MGAT4C: variants seen among roughly 807,000 people sequenced by gnomAD.
The protein encoded by MGAT4C is alpha-1,3-mannosyl-glycoprotein 4-beta-N-acetylglucosaminyltransferase C.
Under a neutral mutation model 40.1 loss-of-function variants are expected in MGAT4C, and 19 were observed. That is an observed-to-expected ratio of 0.47 (90% confidence interval 0.33 to 0.70). The LOEUF (loss-of-function observed/expected upper bound fraction) is 0.70, where lower values mean the gene tolerates loss of function less well. MGAT4C is among the 30% of genes least tolerant of loss of function. The pLI is 0.02. For synonymous variants in MGAT4C, 181 were observed against 187.1 expected (o/e 0.97, Z 0.27); for missense variants, 491 against 563.2 (o/e 0.87, Z 1.30).
chr12:86,462,028 A>G (rs754184421), intron 2 of MGAT4C, among the ~76,000 whole-genome samples: 1 of 152,214 alleles, frequency 6.6e-6, no homozygotes, highest in Non-Finnish European at 1.5e-5. Flanking sequence ...TTACAAATGT[A>G]ATAGGGAAAT....
At chr12:86,784,488 G>A (rs1270436666) in intron 1 of MGAT4C, among the ~76,000 whole-genome samples, 1 of 151,954 alleles carries the variant, frequency 6.6e-6, no homozygotes, top group Admixed American at 6.6e-5. Flanking sequence ...AACAAAAACT[G>A]ATCACATATG....
intron 4 of MGAT4C, among the ~76,000 whole-genome samples, chr12:86,275,528 G>T (rs983761915): frequency 6.6e-6 from 1 of 152,118 alleles, no homozygotes; most frequent in Non-Finnish European, 1.5e-5. Flanking sequence ...CTTGGCAAAA[G>T]GAAAGTTGCA....
intron 3 of MGAT4C, among the ~76,000 whole-genome samples, chr12:86,353,165 C>A (rs1202594671): frequency 1.3e-5 from 2 of 151,876 alleles, no homozygotes; most frequent in African/African-American, 4.8e-5. Flanking sequence ...CTTAAATGGT[C>A]CTCCACTTTT....
At chr12:86,150,849 A>G (rs1884179498) in intron 1 of MGAT4C, among the ~76,000 whole-genome samples, 1 of 152,206 alleles carries the variant, frequency 6.6e-6, no homozygotes, top group East Asian at 1.9e-4. Context: ...CTCCCAGTGG[A>G]GTCTCATGGT....
chr12:86,811,336 A>ATTTTTTTTT (rs553885593), intron 1 of MGAT4C, among the ~76,000 whole-genome samples: 4 of 106,946 alleles, frequency 3.7e-5, no homozygotes, highest in Non-Finnish European at 5.9e-5. Flanking sequence ...CACTCATAGT[A>ATTTTTTTTT]TTTTTTTTTT....
chr12:86,665,826 A>G (rs1278802740), intron 2 of MGAT4C, among the ~76,000 whole-genome samples: 2 of 152,232 alleles, frequency 1.3e-5, no homozygotes, highest in Non-Finnish European at 2.9e-5. Flanking sequence ...TTCCTCAGGC[A>G]AAATTGGAGA....
intron 2 of MGAT4C, chr12:86,013,653 C>G (rs890016077): frequency 2.7e-5 from 22 of 801,200 alleles, no homozygotes; most frequent in South Asian, 1.1e-4. Flanking sequence ...GTGTACTATT[C>G]TTTCGTACCA....
intron 2 of MGAT4C, among the ~76,000 whole-genome samples, chr12:86,606,216 A>G (rs2136467712): frequency 6.6e-6 from 1 of 152,150 alleles, no homozygotes; most frequent in Admixed American, 6.5e-5. Context: ...TCGTGATGAG[A>G]TTTGGGTGGG....
At chr12:86,627,474 G>T (rs1962854821) in intron 2 of MGAT4C, among the ~76,000 whole-genome samples, 2 of 105,220 alleles carry the variant, frequency 1.9e-5, no homozygotes, top group African/African-American at 7.5e-5. Context: ...AGTAAGGGCT[G>T]ACTGACACTT....
chr12:86,231,000 T>C (rs990627564), intron 1 of MGAT4C, among the ~76,000 whole-genome samples: 8 of 152,052 alleles, frequency 5.3e-5, no homozygotes, highest in Non-Finnish European at 8.8e-5. Flanking sequence ...CAGTAATGGA[T>C]GCCTACTATA....
intron 4 of MGAT4C, among the ~76,000 whole-genome samples, chr12:86,321,197 A>G (rs1175748520): frequency 1.3e-5 from 2 of 152,110 alleles, no homozygotes; most frequent in Non-Finnish European, 2.9e-5. Flanking sequence ...TGTGTGAAAA[A>G]TTATTTTAAA....
At chr12:86,391,633 C>A (rs1956161597) in intron 3 of MGAT4C, among the ~76,000 whole-genome samples, 1 of 151,904 alleles carries the variant, frequency 6.6e-6, no homozygotes, top group Admixed American at 6.6e-5. Flanking sequence ...CTGAGGCGGG[C>A]GGATAACCAG....
intron 1 of MGAT4C, among the ~76,000 whole-genome samples, chr12:86,193,214 T>C (rs1889722873): frequency 2.7e-5 from 4 of 150,238 alleles, no homozygotes; most frequent in African/African-American, 9.7e-5. Context: ...TAGAATGAAA[T>C]CCTTTTTTAT....
At chr12:86,834,292 C>A (rs1952994091) in intron 1 of MGAT4C, among the ~76,000 whole-genome samples, 1 of 151,598 alleles carries the variant, frequency 6.6e-6, no homozygotes, top group South Asian at 2.1e-4. Context: ...CAAGCCAAAC[C>A]ATTTAATTCT....
intron 3 of MGAT4C, among the ~76,000 whole-genome samples, chr12:86,388,044 T>C (rs1956089357): frequency 2.0e-5 from 3 of 152,194 alleles, no homozygotes; most frequent in Admixed American, 2.0e-4. Flanking sequence ...ACATGGCTGC[T>C]GAAATGTCTT....
intron 2 of MGAT4C, among the ~76,000 whole-genome samples, chr12:86,626,376 T>C (rs1170497755): frequency 6.6e-6 from 1 of 152,150 alleles, no homozygotes; most frequent in African/African-American, 2.4e-5. Flanking sequence ...GATAAAATAA[T>C]TATAACCGAG....
At chr12:86,071,625 A>G (rs1443214208) in intron 1 of MGAT4C, among the ~76,000 whole-genome samples, 1 of 152,114 alleles carries the variant, frequency 6.6e-6, no homozygotes, top group Non-Finnish European at 1.5e-5. Context: ...TTCTTTTAAC[A>G]TCAGGTAATA....
chr12:86,762,014 G>A (rs1230382220), intron 1 of MGAT4C, among the ~76,000 whole-genome samples: 1 of 151,574 alleles, frequency 6.6e-6, no homozygotes, highest in African/African-American at 2.4e-5. Context: ...CTCTGCTCAG[G>A]GTCTTAACAG....
At chr12:86,405,711 T>C (rs1956452353) in intron 3 of MGAT4C, among the ~76,000 whole-genome samples, 1 of 151,534 alleles carries the variant, frequency 6.6e-6, no homozygotes, top group Admixed American at 6.6e-5. Context: ...TTTACAGATA[T>C]AATATATAGC....
Sources: allele counts gnomAD v4.1 joint callset (sites outside exome capture counted in the v4.1 genomes callset), GRCh38; gene constraint gnomAD v4.1.1; transcripts MANE v1.5; gene names NCBI Gene and HGNC (gene_info 2026-07-23, HGNC 2026-07-21).